The following RFT1 variants were observed in gnomAD, a reference collection of about 807,000 sequenced individuals.
The protein encoded by RFT1 is RFT1 glycolipid translocator homolog.
A neutral mutation model predicts 62.2 loss-of-function variants in RFT1; 43 were observed. The ratio of observed to expected loss-of-function variants is 0.69; its 90% confidence interval spans 0.54 to 0.89. The LOEUF is 0.89. Ranked by LOEUF, RFT1 falls within the 40% of genes least tolerant of loss-of-function variation. RFT1 has a pLI of 0.00. For missense variants in RFT1, 605 were observed against 649.9 expected (o/e 0.93, Z 0.75); for synonymous variants, 262 against 264.6 (o/e 0.99, Z 0.10).
intron 10 of RFT1, chr3:53,103,213 T>C (rs1207795673): frequency 2.0e-6 from 2 of 985,220 alleles, no homozygotes; most frequent in Non-Finnish European, 2.4e-6. Context: ...GACAAAGCCC[T>C]TTATATTGAG....
chr3:53,101,962 G>C (rs1055205215), intron 10 of RFT1, among the ~76,000 whole-genome samples: 1 of 149,768 alleles, frequency 6.7e-6, no homozygotes, highest in East Asian at 2.0e-4. Flanking sequence ...TCTTGAACCC[G>C]GGAGGTGGAG....
chr3:53,069,096 C>A, the RFT1 span, among the ~76,000 whole-genome samples: 2 of 152,192 alleles, frequency 1.3e-5, no homozygotes, highest in Non-Finnish European at 2.9e-5. Flanking sequence ...TGTGCCACTA[C>A]GCGTGGCTAA....
chr3:53,105,609 C>T, intron 9 of RFT1, 64 bp downstream of exon 9: 1 of 1,563,042 alleles, frequency 6.4e-7, no homozygotes, highest in South Asian at 1.1e-5. Flanking sequence ...CTGCTTCACA[C>T]TCCTGTCTGT....
intron 12 of RFT1, 113 bp downstream of exon 12, chr3:53,092,256 A>C (rs1701012289): frequency 6.8e-7 from 1 of 1,478,572 alleles, no homozygotes; most frequent in South Asian, 1.2e-5. Context: ...ATGCTGCCCT[A>C]GAGGCCTGGG....
In RFT1 at chr3:53,093,233, T is replaced by C. The variant is rs185029172; in HGVS notation, c.1209-615A>G. Among the ~76,000 whole-genome samples, 32 of 152,312 alleles carry C rather than the reference T, an allele frequency of 2.1e-4. 1 individual carries two copies. Among genetic ancestry groups the C allele is most frequent in the African/African-American group, 7.0e-4 (29 of 41,574 alleles). ...CTGGCCTCCAAAATGAAATGGGAAC[T>C]GAAACCAAAGCCTGGATCACCTCTG... is the stretch of plus-strand genomic sequence containing the variant. On this transcript the variant is annotated intron_variant, in intron 11 of 12. Transcript: ENST00000296292.
At chr3:53,128,159 G>A (rs1307083333) in intron 1 of RFT1, among the ~76,000 whole-genome samples, 2 of 152,112 alleles carry the variant, frequency 1.3e-5, no homozygotes, top group Non-Finnish European at 2.9e-5. Flanking sequence ...TTAGCCAGGT[G>A]TGGTGGCAGG....
intron 1 of RFT1, among the ~76,000 whole-genome samples, chr3:53,129,456 C>G (rs1200939641): frequency 6.6e-6 from 1 of 152,076 alleles, no homozygotes; most frequent in Non-Finnish European, 1.5e-5. Context: ...CCCCATTCTG[C>G]TTGGTTCTTT....
rs534999535 is a variant in RFT1, at chr3:53,097,507, G to A, written c.1208+1874C>T. Among the ~76,000 whole-genome samples the A allele has an allele frequency of 5.3e-5, 8 of 152,196 alleles. No homozygotes were observed. The East Asian group carries it at 1.2e-3, about 22-fold the overall frequency. ...ATTTTCCACATGTTTATATACTATCGAAATTCCATTACAGCTAACTTAAAA... is the reference window on the plus strand; with the variant it reads ...ATTTTCCACATGTTTATATACTATCAAAATTCCATTACAGCTAACTTAAAA... On this transcript the variant is annotated intron_variant, in intron 11 of 12. Transcript: ENST00000296292.
In RFT1 at chr3:53,092,546, G is replaced by A. The variant is rs771375282; in HGVS notation, c.1281C>T (p.Gly427=). ...AGTTGGCCAAGATGAAGCCCACGCT[G>A]CCACACCAACGGGTCAAGAGATAGG... ...VLSYLLTRWC[G]SVGFILANCF... Residue 427 remains glycine, a synonymous_variant, in exon 12 of 13, where the codon GGC becomes GGT. Transcript: ENST00000296292. The A allele has an allele frequency of 6.2e-7, 1 of 1,612,642 alleles. No homozygotes were observed. The highest frequency in any genetic ancestry group is 1.1e-5 in the South Asian group (1 of 90,482).
the RFT1 span, among the ~76,000 whole-genome samples, chr3:53,078,521 G>A: frequency 6.6e-6 from 1 of 152,104 alleles, no homozygotes; most frequent in Non-Finnish European, 1.5e-5. Flanking sequence ...GGTCGAGGTG[G>A]GAGGATCAAG....
At chr3:53,079,210 C>G in the RFT1 span, among the ~76,000 whole-genome samples, 1 of 152,150 alleles carries the variant, frequency 6.6e-6, no homozygotes, top group Non-Finnish European at 1.5e-5. Flanking sequence ...CGGATCAGAA[C>G]CAGGTACACT....
the RFT1 span, among the ~76,000 whole-genome samples, chr3:53,070,406 T>TTTTTG: frequency 4.3e-5 from 6 of 139,106 alleles, no homozygotes; most frequent in African/African-American, 5.4e-5. Context: ...TTTTTTTTTT[T>TTTTTG]TTTTTTTTTT....
At chr3:53,098,351 CAA>C (rs1701201117) in intron 11 of RFT1, among the ~76,000 whole-genome samples, 2 of 152,082 alleles carry the variant, frequency 1.3e-5, no homozygotes, top group African/African-American at 4.8e-5. Flanking sequence ...CACTGTGTAG[CAA>C]ACAAAGTCCC....
chr3:53,103,287 T>C, intron 10 of RFT1: 1 of 985,332 alleles, frequency 1.0e-6, no homozygotes, highest in Non-Finnish European at 1.2e-6. Flanking sequence ...AAAAACATCT[T>C]TGCTAAACCC....
At chr3:53,107,641 A>AATCATGAACTCAG (rs1241936436) in intron 7 of RFT1, among the ~76,000 whole-genome samples, 32 of 150,968 alleles carry the variant, frequency 2.1e-4, no homozygotes, top group African/African-American at 7.3e-4. Flanking sequence ...ACTGTCTTAG[A>AATCATGAACTCAG]TTTGAATCAT....
At chr3:53,111,170 C>CT (rs1701637458) in intron 7 of RFT1, among the ~76,000 whole-genome samples, 1 of 152,018 alleles carries the variant, frequency 6.6e-6, no homozygotes, top group Non-Finnish European at 1.5e-5. Flanking sequence ...TCCCAGCACT[C>CT]TGAGGCAGGC....
intron 7 of RFT1, among the ~76,000 whole-genome samples, chr3:53,111,194 AG>A (rs1701638246): frequency 6.6e-6 from 1 of 152,164 alleles, no homozygotes; most frequent in South Asian, 2.1e-4. Flanking sequence ...TCACAAGGTC[AG>A]GAGATCGAGA....
chr3:53,105,412 CCCG>C (rs372761883), intron 9 of RFT1, among the ~76,000 whole-genome samples: 3,961 of 13,120 alleles, frequency 0.3, 245 homozygotes, highest in African/African-American at 0.35. Flanking sequence ...AGACTCTATC[CCCG>C]CCCCCCCCCC....
At chr3:53,092,748 C>T (rs1046795922) in intron 11 of RFT1, 130 bp from the exon 12 acceptor site, 5 of 1,052,182 alleles carry the variant, frequency 4.8e-6, no homozygotes, top group East Asian at 2.6e-5. Context: ...TTCATAACAT[C>T]GAATGCTACC....
Sources: allele counts gnomAD v4.1 joint callset (sites outside exome capture counted in the v4.1 genomes callset), GRCh38; gene constraint gnomAD v4.1.1; transcripts MANE v1.5; gene names NCBI Gene and HGNC (gene_info 2026-07-23, HGNC 2026-07-21).